BEND7: variants seen among roughly 807,000 people sequenced by gnomAD.
The protein encoded by BEND7 is BEN domain containing 7, also known as BEN domain-containing protein 7.
Under a neutral mutation model 50.9 loss-of-function variants are expected in BEND7, and 28 were observed. That is an observed-to-expected ratio of 0.55 (90% confidence interval 0.41 to 0.75). The LOEUF is 0.75. Ranked by LOEUF, BEND7 falls within the 30% of genes least tolerant of loss-of-function variation. BEND7 has a pLI of 0.00. For missense variants in BEND7, 477 were observed against 491.3 expected (o/e 0.97, Z 0.28); for synonymous variants, 170 against 183.9 (o/e 0.92, Z 0.61).
chr10:13,489,532 C>T (rs2076496994), intron 5 of BEND7, among the ~76,000 whole-genome samples: 1 of 152,066 alleles, frequency 6.6e-6, no homozygotes. Flanking sequence ...AAGAATACCT[C>T]AAAGATGGCG....
At position 13,487,388 on chromosome 10, in the gene BEND7, CT is replaced by C. The variant is rs930230162; in HGVS notation, c.837+5222del. Among the ~76,000 whole-genome samples the C allele has an allele frequency of 4.3e-4, 53 of 122,794 alleles. 4 individuals carry two copies. The highest frequency in any genetic ancestry group is 8.8e-4 in the African/African-American group (23 of 26,276). The allele number at this position is 122,794 out of a possible 152,430, so 80.6% of individuals were successfully genotyped here. ...GCCTCAATTTCTTTTCTTTTCTTTTCTTTTTTTTTTTTTTTTGAGACGGAGT... is the reference window on the plus strand; with the variant it reads ...GCCTCAATTTCTTTTCTTTTCTTTTCTTTTTTTTTTTTTTTGAGACGGAGT... On this transcript the variant is annotated intron_variant, in intron 5 of 8. Coordinates refer to ENST00000466271, the MANE Select transcript of BEND7 (RefSeq NM_001369863.1).
In BEND7 at chr10:13,481,068, G is replaced by A; in HGVS notation, c.894C>T (p.Asp298=). Residue 298 remains aspartate (D), a synonymous_variant, in exon 6 of 9, where the codon GAC becomes GAT. Coordinates refer to ENST00000466271, the MANE Select transcript of BEND7 (RefSeq NM_001369863.1). The part of the protein sequence containing the change: ...FDVFMPKSQL[D]SILSNYTRSG... ...AGCGAGTGTAGTTTGACAATATAGA[G>A]TCCAGCTGAGATTTAGGCATAAACA... 2 of 1,614,064 alleles carry A rather than the reference G, an allele frequency of 1.2e-6. No individual in the cohort carries two copies. Among genetic ancestry groups the A allele is most frequent in the Non-Finnish European group, 1.7e-6 (2 of 1,179,994 alleles).
At chr10:13,520,268 G>C (rs1245025952) in intron 2 of BEND7, among the ~76,000 whole-genome samples, 1 of 152,142 alleles carries the variant, frequency 6.6e-6, no homozygotes, top group Non-Finnish European at 1.5e-5. Context: ...CACACCGGAG[G>C]CAGTAAACAA....
At chr10:13,500,103 T>C in intron 2 of BEND7, 23 bp from the exon 3 acceptor site, 1 of 1,534,114 alleles carries the variant, frequency 6.5e-7, no homozygotes, top group Non-Finnish European at 8.9e-7. Context: ...GGGCCAAAGT[T>C]AGCACTCTAA....
chr10:13,482,403 A>G (rs2075928007), intron 5 of BEND7, among the ~76,000 whole-genome samples: 1 of 152,244 alleles, frequency 6.6e-6, no homozygotes, highest in South Asian at 2.1e-4. Context: ...TAGATCTCCT[A>G]TTCACCACTC....
chr10:13,465,158 T>A (rs1166395227), intron 6 of BEND7, among the ~76,000 whole-genome samples: 3 of 152,220 alleles, frequency 2.0e-5, no homozygotes, highest in Non-Finnish European at 4.4e-5. Context: ...AGAAAGTTTT[T>A]TCTCTCGTCT....
intron 2 of BEND7, 145 bp downstream of exon 2, chr10:13,525,993 A>C (rs1209974348): frequency 3.1e-5 from 11 of 359,236 alleles, no homozygotes; most frequent in Non-Finnish European, 3.7e-5. Context: ...ATATATTGGC[A>C]ATCTGTAAAA....
At position 13,481,092 on chromosome 10, in the gene BEND7, C is replaced by T. The variant is rs542722342; in HGVS notation, c.870G>A (p.Val290=). 9 of 1,614,082 alleles carry T rather than the reference C, an allele frequency of 5.6e-6. No individual in the cohort carries two copies. The highest frequency in any genetic ancestry group is 7.6e-6 in the Non-Finnish European group (9 of 1,180,006). ...PEVQLAEGFD[V]FMPKSQLDSI... ...AGTCCAGCTGAGATTTAGGCATAAACACGTCAAAGCCTTCAGCAAGTTGTA... is the reference window on the plus strand; with the variant it reads ...AGTCCAGCTGAGATTTAGGCATAAATACGTCAAAGCCTTCAGCAAGTTGTA... The change falls in exon 6 of 9, where the codon GTG becomes GTA. Residue 290 remains valine, a synonymous_variant. Transcript: ENST00000466271.
intron 2 of BEND7, chr10:13,502,932 C>T: frequency 3.0e-6 from 3 of 985,352 alleles, no homozygotes; most frequent in Non-Finnish European, 3.6e-6. Flanking sequence ...GGATGTGTCT[C>T]CTGCCAAAGG....
chr10:13,488,779 G>A (rs528643219), intron 5 of BEND7, among the ~76,000 whole-genome samples: 69 of 152,288 alleles, frequency 4.5e-4, no homozygotes, highest in Middle Eastern at 3.4e-3. Flanking sequence ...GAGCCACCGC[G>A]CCCGGCCTAA....
intron 3 of BEND7, among the ~76,000 whole-genome samples, chr10:13,497,410 C>T (rs1390019593): frequency 6.6e-6 from 1 of 152,164 alleles, no homozygotes; most frequent in Non-Finnish European, 1.5e-5. Context: ...TTTTAGAATA[C>T]TCTCTGGGTG....
intron 2 of BEND7, among the ~76,000 whole-genome samples, chr10:13,516,464 G>A (rs2078679856): frequency 6.6e-6 from 1 of 152,224 alleles, no homozygotes; most frequent in African/African-American, 2.4e-5. Flanking sequence ...GGTGGCTCAC[G>A]CTGGTAATTC....
intron 7 of BEND7, among the ~76,000 whole-genome samples, chr10:13,447,563 A>G (rs1283831682): frequency 2.0e-5 from 1 of 51,084 alleles, no homozygotes; most frequent in African/African-American, 7.5e-5. Context: ...TTTTTTTTTG[A>G]GACGGAGTCT....
Position 13,499,999 on chromosome 10 carries a change from C to G in BEND7, c.227G>C (p.Arg76Pro). 3.7e-6 allele frequency: 6 copies of G among 1,614,192 alleles called. No homozygotes were observed. The highest frequency in any genetic ancestry group is 5.1e-6 in the Non-Finnish European group (6 of 1,180,024). The change falls in exon 3 of 9, where the codon CGA becomes CCA. Residue 76 changes from arginine to proline, a missense_variant. Around this residue, in one of 3 missense-constraint regions of BEND7, gnomAD observed 396 missense variants for 384.2 expected, o/e 1.03. Transcript: ENST00000466271. ...TAGTTTCTCTCCTTCTTTGCCAACT[C>G]GCTGATAGATCCGCCCAGTGCTGTC... ...LNDSTGRIYQ[R>P]VGKEGEKLKE...
At chr10:13,438,818 T>A (rs1835031633), downstream of BEND7, 1 of 246,484 alleles carries the variant, frequency 4.1e-6, no homozygotes, top group African/African-American at 2.2e-5. Flanking sequence ...TGTAAAAGGC[T>A]CCTGATCCAT....
At chr10:13,519,124 G>A (rs1355908291) in intron 2 of BEND7, among the ~76,000 whole-genome samples, 1 of 151,338 alleles carries the variant, frequency 6.6e-6, no homozygotes, top group Non-Finnish European at 1.5e-5. Flanking sequence ...GCATCACATG[G>A]TAAGTGCCAG....
chr10:13,490,165 T>G (rs2076547004), intron 5 of BEND7, among the ~76,000 whole-genome samples: 1 of 152,232 alleles, frequency 6.6e-6, no homozygotes, highest in Non-Finnish European at 1.5e-5. Flanking sequence ...CATTGGCATT[T>G]GGGTGACACT....
At chr10:13,480,342 A>G (rs1036512854) in intron 6 of BEND7, among the ~76,000 whole-genome samples, 1 of 152,158 alleles carries the variant, frequency 6.6e-6, no homozygotes. Context: ...TGGTCTCTGC[A>G]TGGAGCTGGC....
chr10:13,462,815 C>G (rs896204977), intron 6 of BEND7, among the ~76,000 whole-genome samples: 3 of 152,082 alleles, frequency 2.0e-5, no homozygotes, highest in Non-Finnish European at 4.4e-5. Context: ...GCACAACAAT[C>G]AAGTATATTA....
Sources: gnomAD v4.1 joint callset for allele counts (sites outside exome capture counted in the v4.1 genomes callset) on GRCh38, gnomAD v4.1.1 for gene constraint, gnomAD v4.1.1 regional missense constraint, MANE v1.5 for transcripts, NCBI Gene and HGNC (gene_info 2026-07-23, HGNC 2026-07-21) for gene names.